CDCA3: variants seen among roughly 807,000 people sequenced by gnomAD.
The protein encoded by CDCA3 is cell division cycle associated 3, also known as cell division cycle-associated protein 3.
Under a neutral mutation model 29.1 loss-of-function variants are expected in CDCA3, and 16 were observed. The observed-to-expected ratio is 0.55, with a 90% CI of 0.37 to 0.83. CDCA3 has a LOEUF of 0.83. Among genes scored for constraint, CDCA3 ranks in the 40% least tolerant of loss-of-function variants. The probability of loss-of-function intolerance (pLI) is 0.00; values close to 1 mark genes in which losing one functional copy is unlikely to be tolerated. For synonymous variants in CDCA3, 88 were observed against 124.5 expected, an observed-to-expected ratio of 0.71 and a Z score of 1.95; for missense variants, 291 against 327.2, an observed-to-expected ratio of 0.89 and a Z score of 0.85.
downstream of CDCA3, chr12:6,846,434 G>A (rs1325604322): frequency 5.0e-6 from 1 of 198,076 alleles, no homozygotes; most frequent in East Asian, 1.1e-4. Context: ...GTGCCCTCGG[G>A]TTTTTTCATA....
rs1479292967 is a variant in CDCA3, at chr12:6,850,061, G to A, written c.251-203C>T. On this transcript the variant is annotated intron_variant, in intron 3 of 5. Coordinates refer to ENST00000538862, the MANE Select transcript of CDCA3 (RefSeq NM_031299.7). This position sits in a 1 kb window ranked among gnomAD's most constrained non-coding sequence, Gnocchi z 4.7. ...GTCCCCCAGGCTGGAGTGCAGTGGC[G>A]TGATCACAGTTCACTGCAGCCTTGA... is the stretch of plus-strand genomic sequence containing the variant. The A allele has an allele frequency of 2.5e-5, 13 of 521,604 alleles. No individual in the cohort carries two copies. In the Admixed American group the frequency reaches 2.5e-4, roughly 10 times the overall value. The allele number at this position is 521,604 out of a possible 1,614,324, so 32.3% of individuals were successfully genotyped here. A position where few individuals can be genotyped will look rare whatever the true frequency, so the allele number is the denominator to read the frequency against.
chr12:6,845,781 T>C (rs782692758), downstream of CDCA3: 2 of 1,613,688 alleles, frequency 1.2e-6, no homozygotes, highest in Non-Finnish European at 1.7e-6. Context: ...TGTCTGGGAC[T>C]CCATGAAGTC....
chr12:6,847,486 G>C (rs1740290657), downstream of CDCA3: 1 of 154,012 alleles, frequency 6.5e-6, no homozygotes, highest in Admixed American at 6.4e-5. Flanking sequence ...TGTGATAAAG[G>C]CTGGGTACTG....
At position 6,850,161 on chromosome 12, in the gene CDCA3, T is replaced by TTGTGTG. The variant is rs3032790; in HGVS notation, c.250+300_251-304dup. The TTGTGTG allele has an allele frequency of 1.1e-4, 47 of 429,754 alleles. No homozygotes were observed. Among genetic ancestry groups the TTGTGTG allele is most frequent in the African/African-American group, 5.7e-4 (28 of 49,354 alleles). 26.6% of individuals were successfully genotyped at this position (429,754 alleles called of 1,614,324 possible). Reference sequence around the variant, plus strand: ...ATCACAGGCCCATGCCACCGTGCTTTTGTGTGTGTGTGTGTGTGTTATGTG... The same window carrying TTGTGTG: ...ATCACAGGCCCATGCCACCGTGCTTTTGTGTGTGTGTGTGTGTGTGTGTGTTATGTG... On this transcript the variant is annotated intron_variant, in intron 3 of 5. Coordinates refer to ENST00000538862, the MANE Select transcript of CDCA3 (RefSeq NM_031299.7). This position sits in a 1 kb window ranked among gnomAD's most constrained non-coding sequence, Gnocchi z 4.7.
intron 1 of CDCA3, 41 bp from the exon 2 acceptor site, chr12:6,851,050 C>T (rs2138012012): frequency 3.4e-6 from 5 of 1,467,310 alleles, no homozygotes; most frequent in Non-Finnish European, 4.5e-6. Flanking sequence ...ATCTCTTCCA[C>T]GTCGGACCTT....
chr12:6,850,054 C>T lies in CDCA3; in HGVS notation c.251-196G>A. 2 of 526,046 alleles carry T rather than the reference C, an allele frequency of 3.8e-6. No homozygotes were observed. The highest frequency in any genetic ancestry group is 6.6e-6 in the Non-Finnish European group (2 of 300,818). 32.6% of individuals were successfully genotyped at this position (526,046 alleles called of 1,614,324 possible). ...TTGCTCTGTCCCCCAGGCTGGAGTG[C>T]AGTGGCGTGATCACAGTTCACTGCA... is the stretch of plus-strand genomic sequence containing the variant. On this transcript the variant is annotated intron_variant, in intron 3 of 5. Transcript: ENST00000538862. The surrounding 1 kb of genome is among the most constrained non-coding windows in gnomAD (Gnocchi z 4.7).
downstream of CDCA3, chr12:6,846,779 C>T: frequency 6.6e-7 from 1 of 1,510,466 alleles, no homozygotes; most frequent in South Asian, 1.2e-5. Context: ...TGACTCCTTT[C>T]CCTCTTCCTC....
rs782148255 is a variant in CDCA3 at position 6,850,865 on chromosome 12, G to A, written c.88C>T (p.Pro30Ser). The change falls in exon 2 of 6, where the codon CCT becomes TCT. Residue 30 changes from proline (P) to serine (S), a missense_variant. Pro to Ser is a moderately conservative substitution (Grantham distance 74, BLOSUM62 -1). Coordinates refer to ENST00000538862, the MANE Select transcript of CDCA3 (RefSeq NM_031299.7). This position sits in a 1 kb window ranked among gnomAD's most constrained non-coding sequence, Gnocchi z 4.7. The part of the protein sequence containing the change: ...HLARVADPRS[P>S]SAGILRTPIQ... The stretch of plus-strand genomic sequence containing the variant: ...GGAGTGCGCAGGATGCCAGCACTAG[G>A]TGAACGGGGGTCCGCCACTCGAGCC... 1.4e-5 allele frequency: 22 copies of A among 1,613,814 alleles called. No individual in the cohort carries two copies. Among genetic ancestry groups the A allele is most frequent in the Non-Finnish European group, 1.8e-5 (21 of 1,179,974 alleles).
chr12:6,847,395 A>G (rs144220569), downstream of CDCA3: 34 of 158,712 alleles, frequency 2.1e-4, no homozygotes, highest in East Asian at 5.5e-3. Context: ...ACCCTGGTAC[A>G]TCTGTGATGT....
chr12:6,845,578 G>A (rs781992146), downstream of CDCA3: 1 of 1,599,626 alleles, frequency 6.3e-7, no homozygotes, highest in South Asian at 1.1e-5. Context: ...TGCCACCCGT[G>A]CCCTCAGTTC....
downstream of CDCA3, chr12:6,845,172 G>C (rs1181756298): frequency 5.9e-6 from 1 of 168,416 alleles, no homozygotes; most frequent in South Asian, 1.7e-4. Context: ...CTCTCCCTCC[G>C]TTTGAGCTTA....
downstream of CDCA3, chr12:6,845,653 G>A (rs781879948): frequency 9.9e-6 from 16 of 1,613,784 alleles, no homozygotes; most frequent in African/African-American, 2.7e-5. Flanking sequence ...TTTGACCTGC[G>A]GGCAGACCAG....
At chr12:6,851,074 C>T in intron 1 of CDCA3, 65 bp from the exon 2 acceptor site, 1 of 1,432,368 alleles carries the variant, frequency 7.0e-7, no homozygotes, top group South Asian at 1.5e-5. Flanking sequence ...CCCTAAACCA[C>T]CCTGTCTTCC....
downstream of CDCA3, chr12:6,845,029 T>A (rs1413397353): frequency 6.5e-6 from 1 of 152,746 alleles, no homozygotes; most frequent in Non-Finnish European, 1.5e-5. Flanking sequence ...CTGTCCAGGA[T>A]CCAATCCAGA....
chr12:6,849,358 C>A lies in CDCA3; in HGVS notation c.616G>T (p.Asp206Tyr). The change falls in exon 5 of 6, where the codon GAT becomes TAT. Residue 206 changes from aspartate to tyrosine, a missense_variant. Asp to Tyr is a radical substitution (Grantham distance 160). Transcript: ENST00000538862. The surrounding 1 kb of genome is among the most constrained non-coding windows in gnomAD (Gnocchi z 5.2). ...LGRSPLTILQ[D>Y]DNSPGTLTLR... The stretch of plus-strand genomic sequence containing the variant: ...GTCAGGGTGCCAGGGGAGTTGTCAT[C>A]CTGCAGGATGGTGAGGGGGGATCTC... 2 of 1,604,806 alleles carry A rather than the reference C, an allele frequency of 1.2e-6. No individual in the cohort carries two copies. Among genetic ancestry groups the A allele is most frequent in the Non-Finnish European group, 1.7e-6 (2 of 1,175,676 alleles).
At position 6,849,700 on chromosome 12, in the gene CDCA3, G is replaced by A. The variant is rs1555125802; in HGVS notation, c.409C>T (p.Pro137Ser). 6.2e-7 allele frequency: 1 copy of A among 1,614,094 alleles called. No individual in the cohort carries two copies. Among genetic ancestry groups the A allele is most frequent in the Admixed American group, 1.7e-5 (1 of 60,010 alleles). Reference sequence around the variant, plus strand: ...GGGAACTCAGTCTGGTTCCAAGGTGGCATCTGTTCCTCAACAGATAACTGG... The same window carrying A: ...GGGAACTCAGTCTGGTTCCAAGGTGACATCTGTTCCTCAACAGATAACTGG... Reference protein sequence around the residue: ...GTQLSVEEQMPPWNQTEFPSK... With the variant: ...GTQLSVEEQMSPWNQTEFPSK... The change falls in exon 4 of 6, where the codon CCA (proline) becomes TCA (serine). Residue 137 changes from proline (P) to serine (S), a missense_variant. Coordinates refer to ENST00000538862, the MANE Select transcript of CDCA3 (RefSeq NM_031299.7). This position sits in a 1 kb window ranked among gnomAD's most constrained non-coding sequence, Gnocchi z 5.2.
chr12:6,851,168 T>C (rs1943873345), intron 1 of CDCA3, 54 bp downstream of exon 1: 1 of 1,379,354 alleles, frequency 7.2e-7, no homozygotes, highest in Non-Finnish European at 9.3e-7. Flanking sequence ...AAATGGCTCG[T>C]TCTGGGCCTG....
downstream of CDCA3, chr12:6,846,705 A>ACACC (rs2137995307): frequency 1.4e-6 from 1 of 726,726 alleles, no homozygotes; most frequent in Non-Finnish European, 2.4e-6. Context: ...ACACACCCAC[A>ACACC]CACCCACACA....
intron 1 of CDCA3, 82 bp from the exon 2 acceptor site, chr12:6,851,091 C>G (rs1259112529): frequency 7.0e-7 from 1 of 1,421,750 alleles, no homozygotes; most frequent in Non-Finnish European, 9.2e-7. Context: ...TTCCCAGTTT[C>G]CAGTGAAGAA....
Sources: allele counts gnomAD v4.1 joint callset, GRCh38; gene constraint gnomAD v4.1.1; non-coding constraint Gnocchi (gnomAD v3.1); transcripts MANE v1.5; gene names NCBI Gene and HGNC (gene_info 2026-07-23, HGNC 2026-07-21).